Variants in ALDH1L1 observed in about 807,000 individuals in gnomAD.
ALDH1L1 encodes aldehyde dehydrogenase 1 family member L1.
Under a neutral mutation model 101.1 loss-of-function variants are expected in ALDH1L1, and 68 were observed. The observed-to-expected ratio is 0.67, with a 90% CI of 0.55 to 0.82. The LOEUF is 0.82. ALDH1L1 is among the 40% of genes least tolerant of loss of function. ALDH1L1 has a pLI of 0.00. For synonymous variants in ALDH1L1, 486 were observed against 470.8 expected (o/e 1.03, Z -0.42); for missense variants, 1,087 against 1,172.7 (o/e 0.93, Z 1.07).
At chr3:126,117,840 C>T (rs1334740691) in intron 17 of ALDH1L1, among the ~76,000 whole-genome samples, 165 bp downstream of exon 17, 1 of 152,182 alleles carries the variant, frequency 6.6e-6, no homozygotes, top group Non-Finnish European at 1.5e-5. Flanking sequence ...GGGGCTTTGC[C>T]AGAAAGGCAG....
At chr3:126,116,323 C>T (rs926648170) in intron 17 of ALDH1L1, among the ~76,000 whole-genome samples, 55 of 151,498 alleles carry the variant, frequency 3.6e-4, no homozygotes, top group African/African-American at 1.3e-3. Flanking sequence ...GCTCATTTAG[C>T]TTCCGTGTCC....
intron 12 of ALDH1L1, among the ~76,000 whole-genome samples, chr3:126,131,898 G>A (rs954547849): frequency 1.3e-5 from 2 of 152,222 alleles, no homozygotes; most frequent in Non-Finnish European, 2.9e-5. Context: ...TCCTGTCTTC[G>A]GAAAGCTTGA....
chr3:126,105,709 A>G lies in ALDH1L1; in HGVS notation c.2653+17T>C. ...AATGAATAAATGAAAGCAACCCCAC[A>G]GGCAGGAGTAGGTTACCTAGATCTT... On this transcript the variant is annotated intron_variant, in intron 22 of 22. Coordinates refer to ENST00000393434, the MANE Select transcript of ALDH1L1 (RefSeq NM_012190.4). 6.2e-7 allele frequency: 1 copy of G among 1,614,042 alleles called. No individual in the cohort carries two copies. The highest frequency in any genetic ancestry group is 2.2e-5 in the East Asian group (1 of 44,890).
upstream of ALDH1L1, chr3:126,181,103 T>A (rs1576507215): frequency 1.1e-5 from 13 of 1,146,120 alleles, no homozygotes; most frequent in East Asian, 3.3e-4. Context: ...TACCCGCCTC[T>A]CCGAGAGAAA....
In ALDH1L1 at chr3:126,109,989, C is replaced by T; in HGVS notation, c.2302G>A (p.Glu768Lys). ...CCGCCGCAGACCAGTGTGGCCCCTTCCTTCACGCCATGCTGGCAGTACTCC... is the reference window on the plus strand; with the variant it reads ...CCGCCGCAGACCAGTGTGGCCCCTTTCTTCACGCCATGCTGGCAGTACTCC... The part of the protein sequence containing the change: ...LMEYCQHGVK[E>K]GATLVCGGNQ... Residue 768 changes from glutamate (E) to lysine (K), a missense_variant, in exon 20 of 23, where the codon GAA becomes AAA. Coordinates refer to ENST00000393434, the MANE Select transcript of ALDH1L1 (RefSeq NM_012190.4). 1.9e-6 allele frequency: 3 copies of T among 1,614,234 alleles called. No individual in the cohort carries two copies. The highest frequency in any genetic ancestry group is 2.5e-6 in the Non-Finnish European group (3 of 1,180,038).
intron 4 of ALDH1L1, chr3:126,156,095 T>C (rs1329806283): frequency 6.6e-6 from 1 of 152,336 alleles, no homozygotes; most frequent in Non-Finnish European, 1.5e-5. Flanking sequence ...GAGCCCTCTG[T>C]GGTGATGGAT....
At chr3:126,135,708 C>T (rs773015407) in intron 11 of ALDH1L1, 46 bp from the exon 12 acceptor site, 3 of 1,465,590 alleles carry the variant, frequency 2.0e-6, no homozygotes, top group Non-Finnish European at 2.7e-6. Flanking sequence ...AAGCCAGTTG[C>T]ACACAGATAC....
chr3:126,159,893 G>T (rs972888819), intron 2 of ALDH1L1, among the ~76,000 whole-genome samples: 3 of 152,202 alleles, frequency 2.0e-5, no homozygotes, highest in African/African-American at 7.2e-5. Context: ...CACTGAGGGA[G>T]ACTGGCTTTC....
chr3:126,121,827 G>C (rs75171927), intron 16 of ALDH1L1, among the ~76,000 whole-genome samples: 1 of 152,198 alleles, frequency 6.6e-6, no homozygotes, highest in African/African-American at 2.4e-5. Flanking sequence ...AGCTCCCAGC[G>C]AAGGAAGCTG....
In ALDH1L1 at chr3:126,103,607, C is replaced by G; in HGVS notation, c.*184G>C. On this transcript the variant is annotated 3_prime_UTR_variant, in exon 23 of 23. Transcript: ENST00000393434. Reference sequence around the variant, plus strand: ...AGCTTTATTCTCCCTGGGAGGGGCACACCTCACCCAGCCAAGGGCTGCTTC... The same window carrying G: ...AGCTTTATTCTCCCTGGGAGGGGCAGACCTCACCCAGCCAAGGGCTGCTTC... The G allele has an allele frequency of 1.6e-6, 1 of 627,230 alleles. No homozygotes were observed. 38.9% of individuals were successfully genotyped at this position (627,230 alleles called of 1,614,324 possible).
Position 126,157,420 on chromosome 3 carries a change from C to T in ALDH1L1, c.451G>A (p.Glu151Lys), listed in dbSNP as rs759726209. ...LDTGDLLLQK[E>K]CEVLPDDTVS... ...GTGTCGTCCGGGAGCACCTCACACT[C>T]CTTCTGCAGCAGCAGGTCTCCGGTG... Residue 151 changes from glutamate to lysine, a missense_variant, in exon 4 of 23, where the codon GAG becomes AAG. Physicochemically the swap from Glu to Lys is moderately conservative, Grantham distance 56 (BLOSUM62 1). Transcript: ENST00000393434. 8.7e-6 allele frequency: 14 copies of T among 1,614,160 alleles called. No homozygotes were observed. The highest frequency in any genetic ancestry group is 1.2e-5 in the Non-Finnish European group (14 of 1,180,010).
intron 8 of ALDH1L1, 142 bp downstream of exon 8, chr3:126,150,264 A>T: frequency 7.4e-7 from 1 of 1,354,666 alleles, no homozygotes; most frequent in Non-Finnish European, 9.8e-7. Context: ...CCAAGACGAG[A>T]TAGAACCAAC....
At chr3:126,150,265 T>G in intron 8 of ALDH1L1, 141 bp downstream of exon 8, 3 of 1,357,902 alleles carry the variant, frequency 2.2e-6, no homozygotes, top group South Asian at 3.2e-5. Context: ...CAAGACGAGA[T>G]AGAACCAACA....
intron 13 of ALDH1L1, among the ~76,000 whole-genome samples, chr3:126,131,007 C>T (rs577617922): frequency 7.2e-5 from 11 of 152,334 alleles, no homozygotes; most frequent in Admixed American, 3.3e-4. Flanking sequence ...GACCTGCTGC[C>T]GCTGGGAGAT....
chr3:126,108,483 C>T (rs1450421655), intron 20 of ALDH1L1, among the ~76,000 whole-genome samples: 1 of 152,248 alleles, frequency 6.6e-6, no homozygotes, highest in African/African-American at 2.4e-5. Context: ...ATCCTGAACC[C>T]GGCCATCCTT....
intron 18 of ALDH1L1, among the ~76,000 whole-genome samples, chr3:126,113,517 C>A (rs1194418497): frequency 6.6e-6 from 1 of 152,176 alleles, no homozygotes; most frequent in Non-Finnish European, 1.5e-5. Context: ...TCAAGCCTGG[C>A]TCTCCTGGAA....
chr3:126,125,478 G>T, intron 15 of ALDH1L1, 138 bp downstream of exon 15: 1 of 546,558 alleles, frequency 1.8e-6, no homozygotes, highest in Non-Finnish European at 2.9e-6. Flanking sequence ...GGGGCCCATG[G>T]AGGGCAGCTG....
At chr3:126,183,612 G>A (rs150758825), upstream of ALDH1L1, among the ~76,000 whole-genome samples, 53 of 152,300 alleles carry the variant, frequency 3.5e-4, no homozygotes, top group African/African-American at 1.2e-3. Context: ...TAGAATTGCC[G>A]TACACTAGTT....
chr3:126,186,306 C>G (rs567173267), upstream of ALDH1L1, among the ~76,000 whole-genome samples: 7 of 152,338 alleles, frequency 4.6e-5, no homozygotes, highest in South Asian at 1.4e-3. Context: ...GCAACTGGGC[C>G]TTCTTGGAAG....
Sources: allele counts gnomAD v4.1 joint callset (sites outside exome capture counted in the v4.1 genomes callset), GRCh38; gene constraint gnomAD v4.1.1; transcripts MANE v1.5; gene names NCBI Gene and HGNC (gene_info 2026-07-23, HGNC 2026-07-21).